Variants in STK3 observed in about 807,000 individuals in gnomAD.
The protein encoded by STK3 is serine/threonine-protein kinase 3.
STK3 carries 41 observed loss-of-function variants against 58.0 expected under a neutral mutation model. That is an observed-to-expected ratio of 0.71 (90% confidence interval 0.55 to 0.92). STK3 has a LOEUF of 0.92. STK3 is among the 40% of genes least tolerant of loss of function. STK3 has a pLI of 0.00. For synonymous variants in STK3, 170 were observed against 191.0 expected (o/e 0.89, Z 0.91); for missense variants, 479 against 602.7 (o/e 0.79, Z 2.15).
chr8:98,632,296 C>G (rs1244808615), intron 6 of STK3, among the ~76,000 whole-genome samples: 7 of 152,144 alleles, frequency 4.6e-5, no homozygotes, highest in Non-Finnish European at 1.5e-5. Context: ...AGATTGGCGA[C>G]CATGTGAACT....
At chr8:98,502,944 T>C (rs757037614) in intron 10 of STK3, among the ~76,000 whole-genome samples, 2 of 152,232 alleles carry the variant, frequency 1.3e-5, no homozygotes, top group Non-Finnish European at 2.9e-5. Flanking sequence ...AATTCCCTCT[T>C]TTTCTATTGA....
At chr8:98,501,672 G>A (rs142780903) in intron 10 of STK3, among the ~76,000 whole-genome samples, 1 of 151,990 alleles carries the variant, frequency 6.6e-6, no homozygotes, top group Non-Finnish European at 1.5e-5. Context: ...ATCCTTTCCC[G>A]ATTTCTTGTT....
intron 1 of STK3, among the ~76,000 whole-genome samples, chr8:98,793,198 G>C (rs1485615253): frequency 6.6e-6 from 1 of 152,086 alleles, no homozygotes; most frequent in Non-Finnish European, 1.5e-5. Flanking sequence ...AAGCGGATAA[G>C]GGATAAAAGA....
chr8:98,589,632 C>G (rs534585861), intron 7 of STK3, among the ~76,000 whole-genome samples: 160 of 152,358 alleles, frequency 1.1e-3, no homozygotes, highest in Middle Eastern at 6.8e-3. Flanking sequence ...CCACCCAGTT[C>G]GAGCTTCCTG....
intron 10 of STK3, among the ~76,000 whole-genome samples, chr8:98,462,092 A>G (rs1010968329): frequency 1.3e-5 from 2 of 152,200 alleles, no homozygotes; most frequent in African/African-American, 2.4e-5. Flanking sequence ...ATACGATCCA[A>G]TAACACTCTT....
intron 8 of STK3, among the ~76,000 whole-genome samples, chr8:98,559,655 A>G (rs545618988): frequency 6.6e-6 from 1 of 152,218 alleles, no homozygotes; most frequent in East Asian, 1.9e-4. Context: ...TGCTACACAA[A>G]ATGACTTAAA....
intron 6 of STK3, among the ~76,000 whole-genome samples, chr8:98,658,581 C>T (rs1821725690): frequency 6.6e-6 from 1 of 151,948 alleles, no homozygotes; most frequent in Non-Finnish European, 1.5e-5. Context: ...CCTCATTTTT[C>T]TTTCTTTCCT....
At chr8:98,378,330 A>G (rs1345280130) in intron 2 of STK3, among the ~76,000 whole-genome samples, 1 of 152,164 alleles carries the variant, frequency 6.6e-6, no homozygotes, top group Non-Finnish European at 1.5e-5. Flanking sequence ...TCACCTTTTT[A>G]AATGCCTCAG....
intron 6 of STK3, among the ~76,000 whole-genome samples, chr8:98,669,605 C>T (rs1457193279): frequency 6.6e-6 from 1 of 152,158 alleles, no homozygotes; most frequent in Non-Finnish European, 1.5e-5. Context: ...ACTACATGTT[C>T]TAACATGTTC....
At chr8:98,636,104 T>C (rs545894237) in intron 6 of STK3, among the ~76,000 whole-genome samples, 32 of 152,254 alleles carry the variant, frequency 2.1e-4, no homozygotes, top group Non-Finnish European at 3.2e-4. Flanking sequence ...ATAATATCAA[T>C]TAACTCTGTG....
chr8:98,582,835 T>C (rs1158358619), intron 7 of STK3, among the ~76,000 whole-genome samples: 2 of 152,148 alleles, frequency 1.3e-5, no homozygotes, highest in African/African-American at 4.8e-5. Flanking sequence ...ATTCAGATGA[T>C]GTTTATTTTT....
At chr8:98,690,874 G>A (rs867345737) in intron 6 of STK3, among the ~76,000 whole-genome samples, 5 of 152,282 alleles carry the variant, frequency 3.3e-5, no homozygotes, top group South Asian at 2.1e-4. Flanking sequence ...ACAGAATAGA[G>A]GCATAAAAAA....
At chr8:98,441,415 G>C (rs1386219711) in intron 1 of STK3, among the ~76,000 whole-genome samples, 1 of 152,098 alleles carries the variant, frequency 6.6e-6, no homozygotes, top group Non-Finnish European at 1.5e-5. Flanking sequence ...AGTTTATTTA[G>C]CCACCTCCTT....
chr8:98,378,294 A>T (rs1439038498), intron 2 of STK3, among the ~76,000 whole-genome samples: 1 of 152,306 alleles, frequency 6.6e-6, no homozygotes, highest in African/African-American at 2.4e-5. Context: ...GACCTCCAGC[A>T]CTTGGCTTCT....
At chr8:98,685,359 A>G (rs1261643346) in intron 6 of STK3, among the ~76,000 whole-genome samples, 1 of 152,090 alleles carries the variant, frequency 6.6e-6, no homozygotes, top group Non-Finnish European at 1.5e-5. Flanking sequence ...GCAAGGTTAG[A>G]ATACAGACGA....
chr8:98,668,127 T>C (rs1822511233), intron 6 of STK3, among the ~76,000 whole-genome samples: 1 of 152,148 alleles, frequency 6.6e-6, no homozygotes, highest in African/African-American at 2.4e-5. Flanking sequence ...TATGTTCTTC[T>C]TAATAAAACT....
At chr8:98,592,383 T>C (rs1310477403) in intron 7 of STK3, among the ~76,000 whole-genome samples, 1 of 152,222 alleles carries the variant, frequency 6.6e-6, no homozygotes, top group East Asian at 1.9e-4. Context: ...CTGTATGAGG[T>C]ATCTGTGATT....
chr8:98,706,532 G>C lies in STK3; in HGVS notation c.619C>G (p.Leu207Val), dbSNP rs750684813. 3 of 1,613,868 alleles carry C rather than the reference G, an allele frequency of 1.9e-6. No homozygotes were observed. The highest frequency in any genetic ancestry group is 2.5e-6 in the Non-Finnish European group (3 of 1,179,880). Residue 207 changes from leucine (L) to valine (V), a missense_variant, in exon 6 of 11, where the codon CTT becomes GTT. Leu to Val is a conservative substitution (Grantham distance 32). Transcript: ENST00000419617. ...GYNCVADIWS[L>V]GITSIEMAEG... ...GCCATTTCTATAGAAGTAATGCCAA[G>C]GGACCAGATGTCGGCCACACAGTTA... is the stretch of plus-strand genomic sequence containing the variant.
chr8:98,654,305 A>C (rs1176311708), intron 6 of STK3, among the ~76,000 whole-genome samples: 2 of 152,208 alleles, frequency 1.3e-5, no homozygotes, highest in Non-Finnish European at 2.9e-5. Flanking sequence ...AAAAACTCTC[A>C]ATAAGTTAGG....
Sources: allele counts gnomAD v4.1 joint callset (sites outside exome capture counted in the v4.1 genomes callset), GRCh38; gene constraint gnomAD v4.1.1; transcripts MANE v1.5; gene names NCBI Gene and HGNC (gene_info 2026-07-23, HGNC 2026-07-21).